CDS1: variants seen among roughly 807,000 people sequenced by gnomAD.
CDS1 encodes the protein phosphatidate cytidylyltransferase 1.
CDS1 carries 41 observed loss-of-function variants against 62.1 expected under a neutral mutation model. The ratio of observed to expected loss-of-function variants is 0.66; its 90% CI spans 0.51 to 0.86. The LOEUF (loss-of-function observed/expected upper bound fraction) is 0.86. Ranked by LOEUF, CDS1 falls within the 40% of genes least tolerant of loss-of-function variation. The pLI, the probability that CDS1 is intolerant of heterozygous loss-of-function variation, is 0.00. For synonymous variants in CDS1, 185 were observed against 192.6 expected, an observed-to-expected ratio of 0.96 and a Z score of 0.32; for missense variants, 470 against 550.1, an observed-to-expected ratio of 0.85 and a Z score of 1.46.
At chr4:84,599,628 GTGTA>G (rs942563810) in intron 1 of CDS1, among the ~76,000 whole-genome samples, 2 of 150,960 alleles carry the variant, frequency 1.3e-5, no homozygotes, top group African/African-American at 4.9e-5. Flanking sequence ...ATACGTGTGT[GTGTA>G]TATATATATA....
intron 3 of CDS1, among the ~76,000 whole-genome samples, chr4:84,616,553 T>C (rs1367303813): frequency 6.6e-6 from 1 of 152,200 alleles, no homozygotes; most frequent in Non-Finnish European, 1.5e-5. Context: ...AGTCACATAA[T>C]ATTTTATTTT....
intron 5 of CDS1, among the ~76,000 whole-genome samples, chr4:84,622,445 T>C (rs957631805): frequency 6.6e-6 from 1 of 151,244 alleles, no homozygotes; most frequent in Non-Finnish European, 1.5e-5. Flanking sequence ...AAAAAAAAAT[T>C]AGCCGGGTGC....
At chr4:84,644,059 G>T (rs969526047) in intron 11 of CDS1, among the ~76,000 whole-genome samples, 3 of 152,184 alleles carry the variant, frequency 2.0e-5, no homozygotes, top group Non-Finnish European at 4.4e-5. Context: ...GAACAGTGTG[G>T]CTGTGGTTGA....
chr4:84,585,939 G>A (rs971105253), intron 1 of CDS1, among the ~76,000 whole-genome samples: 12 of 152,298 alleles, frequency 7.9e-5, no homozygotes, highest in South Asian at 2.1e-4. Context: ...CATGCTTGGC[G>A]TCTACCTGGA....
At chr4:84,606,100 T>C (rs1035271031) in intron 2 of CDS1, among the ~76,000 whole-genome samples, 3 of 152,090 alleles carry the variant, frequency 2.0e-5, no homozygotes, top group Non-Finnish European at 4.4e-5. Context: ...TAATCTGTTT[T>C]ATACATTTTT....
At chr4:84,612,690 A>G (rs1723362011) in intron 3 of CDS1, among the ~76,000 whole-genome samples, 1 of 152,184 alleles carries the variant, frequency 6.6e-6, no homozygotes, top group Non-Finnish European at 1.5e-5. Flanking sequence ...AAAGAAGAAA[A>G]TAAGAGTATT....
At position 84,583,323 on chromosome 4, in the gene CDS1, G is replaced by GC. The variant is rs1722307973; in HGVS notation, c.-75dup. The GC allele has an allele frequency of 4.7e-6, 5 of 1,056,374 alleles. No homozygotes were observed. Among genetic ancestry groups the GC allele is most frequent in the Non-Finnish European group, 7.0e-6 (5 of 717,410 alleles). The allele number at this position is 1,056,374 out of a possible 1,614,324, so 65.4% of individuals were successfully genotyped here. A position where few individuals can be genotyped will look rare whatever the true frequency, so the allele number is the denominator to read the frequency against. On this transcript the variant is annotated 5_prime_UTR_variant, in exon 1 of 13. Coordinates refer to ENST00000295887, the MANE Select transcript of CDS1 (RefSeq NM_001263.4). ...GGGCGCGGCTGCGAGGTGGCGGGGC[G>GC]CCCCGCCTGCAGAACCCTGCTTGCA... is the stretch of plus-strand genomic sequence containing the variant.
At chr4:84,647,116 T>A (rs925049338) in intron 12 of CDS1, among the ~76,000 whole-genome samples, 1 of 152,260 alleles carries the variant, frequency 6.6e-6, no homozygotes, top group East Asian at 1.9e-4. Flanking sequence ...TTTCTTTGTC[T>A]CTCCTTTTAT....
chr4:84,584,873 G>T (rs1722368958), intron 1 of CDS1, among the ~76,000 whole-genome samples: 1 of 152,202 alleles, frequency 6.6e-6, no homozygotes, highest in Non-Finnish European at 1.5e-5. Flanking sequence ...ACTAGGAACA[G>T]TGGGCTGAGA....
intron 1 of CDS1, among the ~76,000 whole-genome samples, chr4:84,588,246 A>T (rs1722476417): frequency 6.6e-6 from 1 of 152,036 alleles, no homozygotes; most frequent in South Asian, 2.1e-4. Context: ...CTACTTAGGG[A>T]TTTTGGTTTG....
chr4:84,632,513 A>G (rs761351242), intron 6 of CDS1, among the ~76,000 whole-genome samples: 14 of 152,134 alleles, frequency 9.2e-5, no homozygotes, highest in Non-Finnish European at 1.8e-4. Flanking sequence ...TCTGTTCTTT[A>G]TGCTTAGCTT....
At chr4:84,609,307 T>G in intron 2 of CDS1, 122 bp from the exon 3 acceptor site, 1 of 583,200 alleles carries the variant, frequency 1.7e-6, no homozygotes, top group Non-Finnish European at 3.1e-6. Flanking sequence ...TTGTTTGTTA[T>G]ATAAAGTGAA....
intron 2 of CDS1, 108 bp downstream of exon 2, chr4:84,604,478 T>C (rs1723032144): frequency 9.3e-7 from 1 of 1,077,740 alleles, no homozygotes; most frequent in East Asian, 2.4e-5. Context: ...GCCATGGTAT[T>C]AGGTGGTCAA....
intron 5 of CDS1, among the ~76,000 whole-genome samples, chr4:84,624,188 G>A (rs1264990768): frequency 1.3e-5 from 2 of 151,146 alleles, no homozygotes; most frequent in East Asian, 2.0e-4. Context: ...GCGGGAGAAT[G>A]GCATGAACCT....
In CDS1 at chr4:84,585,088, G is replaced by A. The variant is rs117799679; in HGVS notation, c.117+1570G>A. 2.7e-4 allele frequency among the ~76,000 whole-genome samples: 41 copies of A among 152,238 alleles called. No individual in the cohort carries two copies. The East Asian group carries it at 7.1e-3, about 27-fold the overall frequency. ...AGGAAGCCATGCATAAAATACCTTC[G>A]GAATTAAGTTTTTTCTTTTTTTAAC... On this transcript the variant is annotated intron_variant, in intron 1 of 12. Coordinates refer to ENST00000295887, the MANE Select transcript of CDS1 (RefSeq NM_001263.4).
At chr4:84,631,193 A>AGG (rs1238401593) in intron 5 of CDS1, among the ~76,000 whole-genome samples, 1 of 152,196 alleles carries the variant, frequency 6.6e-6, no homozygotes, top group Non-Finnish European at 1.5e-5. Context: ...GTGACTCTTA[A>AGG]GGGTCAATAG....
At chr4:84,585,049 G>C (rs1313514044) in intron 1 of CDS1, among the ~76,000 whole-genome samples, 4 of 152,202 alleles carry the variant, frequency 2.6e-5, no homozygotes, top group Non-Finnish European at 4.4e-5. Context: ...CTTTTGTTAA[G>C]AGAAAAGATG....
chr4:84,645,330 T>A lies in CDS1; in HGVS notation c.1256+5T>A, dbSNP rs1321245664. 2 of 1,513,692 alleles carry A rather than the reference T, an allele frequency of 1.3e-6. No homozygotes were observed. The highest frequency in any genetic ancestry group is 1.8e-6 in the Non-Finnish European group (2 of 1,091,238). The allele number at this position is 1,513,692 out of a possible 1,614,324, so 93.8% of individuals were successfully genotyped here. A position where few individuals can be genotyped will look rare whatever the true frequency, so the allele number is the denominator to read the frequency against. On this transcript the variant is annotated splice_donor_5th_base_variant and intron_variant, in intron 12 of 12. Transcript: ENST00000295887. ...GTACATCACAAGTTTTATAAGGTACTTTTACACTTGAGACATTTTTTAGAT... is the reference window on the plus strand; with the variant it reads ...GTACATCACAAGTTTTATAAGGTACATTTACACTTGAGACATTTTTTAGAT...
At chr4:84,620,228 T>G (rs1167936092) in intron 5 of CDS1, among the ~76,000 whole-genome samples, 3 of 141,704 alleles carry the variant, frequency 2.1e-5, no homozygotes, top group African/African-American at 5.3e-5. Context: ...TGTTTTTTTT[T>G]TTTTTTTTTT....
Sources: gnomAD v4.1 joint callset for allele counts (sites outside exome capture counted in the v4.1 genomes callset) on GRCh38, gnomAD v4.1.1 for gene constraint, MANE v1.5 for transcripts, NCBI Gene and HGNC (gene_info 2026-07-23, HGNC 2026-07-21) for gene names.